Variants in ROBO2 observed in about 807,000 individuals in gnomAD.
The protein encoded by ROBO2 is roundabout homolog 2.
Under a neutral mutation model 160.8 loss-of-function variants are expected in ROBO2, and 53 were observed. That is an observed-to-expected ratio of 0.33 (90% CI 0.26 to 0.41). ROBO2 has a LOEUF of 0.41. Ranked by LOEUF, ROBO2 falls within the 10% of genes least tolerant of loss-of-function variation. The probability of loss-of-function intolerance (pLI) is 1.00; values close to 1 mark genes in which losing one functional copy is unlikely to be tolerated. For missense variants in ROBO2, 1,577 were observed against 1,722.4 expected (o/e 0.92, Z 1.49); for synonymous variants, 664 against 611.7 (o/e 1.09, Z -1.26).
intron 2 of ROBO2, among the ~76,000 whole-genome samples, chr3:77,400,397 T>C (rs2075681389): frequency 6.6e-6 from 1 of 152,184 alleles, no homozygotes; most frequent in Admixed American, 6.6e-5. Flanking sequence ...CAACTATTGA[T>C]CATGTGAAAT....
chr3:77,347,946 G>A lies in ROBO2; in HGVS notation c.389-129468G>A, dbSNP rs1321055723. 2.0e-5 allele frequency among the ~76,000 whole-genome samples: 3 copies of A among 151,968 alleles called. No homozygotes were observed. The East Asian group carries it at 5.8e-4, about 29-fold the overall frequency. ...ATCATTTCTCATGGATTTCACTACCGTCTCTAGCTTTACTCCTAAGAGTTC... is the reference window on the plus strand; with the variant it reads ...ATCATTTCTCATGGATTTCACTACCATCTCTAGCTTTACTCCTAAGAGTTC... On this transcript the variant is annotated intron_variant, in intron 2 of 25. Coordinates refer to ENST00000461745, the Ensembl canonical transcript of ROBO2.
intron 2 of ROBO2, among the ~76,000 whole-genome samples, chr3:76,543,683 G>T (rs1364974206): frequency 2.0e-5 from 3 of 152,040 alleles, no homozygotes; most frequent in African/African-American, 7.2e-5. Flanking sequence ...AGGAAGAATA[G>T]AATGCTTCTA....
intron 7 of ROBO2, among the ~76,000 whole-genome samples, 176 bp downstream of exon 8, chr3:77,546,638 T>A (rs2092708464): frequency 1.3e-5 from 2 of 152,152 alleles, no homozygotes; most frequent in South Asian, 4.1e-4. Flanking sequence ...ATAGCATTCT[T>A]TATTTGCTAG....
At chr3:76,308,324 G>A (rs1223238499) in intron 2 of ROBO2, among the ~76,000 whole-genome samples, 4 of 142,978 alleles carry the variant, frequency 2.8e-5, no homozygotes, top group African/African-American at 7.8e-5. Flanking sequence ...TTGCAATAAG[G>A]CGAGATCGCA....
chr3:77,167,625 CTGAATTTTCTGCA>C (rs1461089922), intron 2 of ROBO2, among the ~76,000 whole-genome samples: 4 of 152,122 alleles, frequency 2.6e-5, no homozygotes, highest in Non-Finnish European at 5.9e-5. Context: ...CTTCAAGACA[CTGAATTTTCTGCA>C]TGATATTTAG....
intron 2 of ROBO2, among the ~76,000 whole-genome samples, chr3:76,583,585 T>C (rs2085841573): frequency 6.6e-6 from 1 of 152,128 alleles, no homozygotes; most frequent in African/African-American, 2.4e-5. Context: ...GTCCTGCCAG[T>C]TTCCTTTGCT....
chr3:76,181,809 G>C (rs1701517868), intron 2 of ROBO2, among the ~76,000 whole-genome samples: 1 of 135,220 alleles, frequency 7.4e-6, no homozygotes, highest in Non-Finnish European at 1.7e-5. Flanking sequence ...AAAGGATATA[G>C]AAAAGGATGA....
In ROBO2 at chr3:77,155,851, G is replaced by C. The variant is rs375958766; in HGVS notation, c.388+57511G>C. ...CCTCTTTAAAGTACTTGTTATCTTT[G>C]CCTTCCATGGTCTTTCACTTCCTTG... On this transcript the variant is annotated intron_variant, in intron 2 of 25. Transcript: ENST00000461745. 1.1e-4 allele frequency among the ~76,000 whole-genome samples: 16 copies of C among 151,920 alleles called. No individual in the cohort carries two copies. The East Asian group carries it at 3.1e-3, about 29-fold the overall frequency.
intron 2 of ROBO2, among the ~76,000 whole-genome samples, chr3:76,973,762 A>AGAT (rs2059683227): frequency 6.6e-6 from 1 of 152,190 alleles, no homozygotes; most frequent in African/African-American, 2.4e-5. Flanking sequence ...GAGAAGAAAA[A>AGAT]GATAATAAAA....
At chr3:77,327,238 G>A (rs2065490492) in intron 2 of ROBO2, among the ~76,000 whole-genome samples, 1 of 152,116 alleles carries the variant, frequency 6.6e-6, no homozygotes, top group African/African-American at 2.4e-5. Flanking sequence ...AGTTCTATGA[G>A]AATACTTCTA....
intron 2 of ROBO2, among the ~76,000 whole-genome samples, chr3:76,772,677 A>AT: frequency 6.6e-6 from 1 of 151,134 alleles, no homozygotes; most frequent in East Asian, 2.0e-4. Flanking sequence ...CTGCACTACA[A>AT]TTTATTCCTG....
At chr3:77,566,783 T>C (rs2093494945) in intron 12 of ROBO2, among the ~76,000 whole-genome samples, 1 of 152,032 alleles carries the variant, frequency 6.6e-6, no homozygotes, top group South Asian at 2.1e-4. Context: ...TAACAAATAC[T>C]TAATAGGAAA....
In ROBO2 at chr3:77,617,910, G is replaced by A. The variant is rs1583312675; in HGVS notation, c.3554+137G>A. Reference sequence around the variant, plus strand: ...TTTTGTATGACTCCTTAATCATTTAGATAAATGTATCCACTGAGAAATGTT... The same window carrying A: ...TTTTGTATGACTCCTTAATCATTTAAATAAATGTATCCACTGAGAAATGTT... On this transcript the variant is annotated intron_variant, in intron 22 of 25. Coordinates refer to ENST00000461745, the Ensembl canonical transcript of ROBO2. 4 of 907,432 alleles carry A rather than the reference G, an allele frequency of 4.4e-6. No homozygotes were observed. In the East Asian group the frequency reaches 1.0e-4, roughly 24 times the overall value. The allele number at this position is 907,432 out of a possible 1,614,324, so 56.2% of individuals were successfully genotyped here.
intron 2 of ROBO2, among the ~76,000 whole-genome samples, chr3:77,447,042 T>G (rs773425406): frequency 1.3e-5 from 2 of 152,110 alleles, no homozygotes; most frequent in African/African-American, 4.8e-5. Context: ...ATTTCCTGGA[T>G]AGCCAGAAGT....
At chr3:77,254,296 G>A (rs1483652387) in intron 2 of ROBO2, among the ~76,000 whole-genome samples, 1 of 152,150 alleles carries the variant, frequency 6.6e-6, no homozygotes, top group Non-Finnish European at 1.5e-5. Flanking sequence ...TGCTCTTCTA[G>A]TGAATAGTGA....
chr3:76,520,588 T>A (rs1196988237), intron 2 of ROBO2, among the ~76,000 whole-genome samples: 1 of 152,146 alleles, frequency 6.6e-6, no homozygotes, highest in African/African-American at 2.4e-5. Flanking sequence ...AAATTCTCAT[T>A]TTCCTCTGTA....
chr3:77,081,411 C>T (rs2068643253), intron 1 of ROBO2, among the ~76,000 whole-genome samples: 1 of 152,150 alleles, frequency 6.6e-6, no homozygotes, highest in Non-Finnish European at 1.5e-5. Context: ...TGAGAGTGTG[C>T]ACTCTAAGGA....
intron 2 of ROBO2, among the ~76,000 whole-genome samples, chr3:76,443,018 A>C (rs1393115466): frequency 1.3e-5 from 2 of 152,066 alleles, no homozygotes; most frequent in African/African-American, 4.8e-5. Flanking sequence ...CAGGCTTTAC[A>C]GGAAGCACGG....
At chr3:77,544,386 T>A (rs995431261) in intron 6 of ROBO2, among the ~76,000 whole-genome samples, 1 of 152,154 alleles carries the variant, frequency 6.6e-6, no homozygotes, top group Non-Finnish European at 1.5e-5. Context: ...ATCTGGGTTT[T>A]CCATACTGCT....
Sources: gnomAD v4.1 joint callset for allele counts (sites outside exome capture counted in the v4.1 genomes callset) on GRCh38, gnomAD v4.1.1 for gene constraint, MANE v1.5 for transcripts, NCBI Gene and HGNC (gene_info 2026-07-23, HGNC 2026-07-21) for gene names.